The following POMZP3 variants were observed in gnomAD, a reference collection of about 807,000 sequenced individuals.
The protein encoded by POMZP3 is POM121 and ZP3 fusion, also known as POM121 and ZP3 fusion protein.
Under a neutral mutation model 19.8 loss-of-function variants are expected in POMZP3, and 10 were observed. That is an observed-to-expected ratio of 0.51 (90% CI 0.31 to 0.86). The LOEUF is 0.86. POMZP3 is among the 40% of genes least tolerant of loss of function. The pLI is 0.04. For synonymous variants in POMZP3, 57 were observed against 85.8 expected (o/e 0.66, Z 1.85); for missense variants, 152 against 228.1 (o/e 0.67, Z 2.15).
chr7:76,623,273 A>G (rs1053089097), intron 3 of POMZP3, among the ~76,000 whole-genome samples: 2 of 151,796 alleles, frequency 1.3e-5, no homozygotes, highest in African/African-American at 4.8e-5. Flanking sequence ...TGACTCTTTA[A>G]TGTCAGAAAT....
At chr7:76,612,084 G>C (rs1299571522) in intron 4 of POMZP3, among the ~76,000 whole-genome samples, 2 of 140,014 alleles carry the variant, frequency 1.4e-5, no homozygotes, top group African/African-American at 5.5e-5. Flanking sequence ...TGTAGTCCCA[G>C]CTACCTGGAA....
At chr7:76,625,477 G>A in intron 3 of POMZP3, 45 bp downstream of exon 3, 1 of 1,596,174 alleles carries the variant, frequency 6.3e-7, no homozygotes, top group East Asian at 2.2e-5. Context: ...CATCCCATAG[G>A]AGTCCAAGCG....
intron 3 of POMZP3, among the ~76,000 whole-genome samples, chr7:76,620,371 TG>T (rs1376804319): frequency 3.8e-5 from 4 of 105,462 alleles, no homozygotes; most frequent in Non-Finnish European, 5.9e-5. Flanking sequence ...GGGTGGGGTA[TG>T]GGGTAGAGGG....
intron 3 of POMZP3, among the ~76,000 whole-genome samples, chr7:76,624,291 G>A (rs1328735723): frequency 6.6e-6 from 1 of 151,066 alleles, no homozygotes; most frequent in Non-Finnish European, 1.5e-5. Flanking sequence ...GCTCATGCCT[G>A]TAATCCCAGC....
chr7:76,626,863 G>T lies in POMZP3; in HGVS notation c.-307C>A. 1 of 1,399,324 alleles carries T rather than the reference G, an allele frequency of 7.1e-7. No individual in the cohort carries two copies. Among genetic ancestry groups the T allele is most frequent in the Non-Finnish European group, 9.2e-7 (1 of 1,086,152 alleles). The allele number at this position is 1,399,324 out of a possible 1,614,324, so 86.7% of individuals were successfully genotyped here. On this transcript the variant is annotated 5_prime_UTR_variant, in exon 1 of 7. Transcript: ENST00000310842. ...ATTCCGCAGGTCCTGGCCCTCCGGA[G>T]CGGGGGCGGGCTGCGGCGGCCCGGG...
chr7:76,626,405 C>T (rs2116890504), intron 1 of POMZP3, 190 bp from the exon 2 acceptor site: 2 of 617,528 alleles, frequency 3.2e-6, no homozygotes, highest in South Asian at 4.0e-5. Context: ...AGCTGCTTAA[C>T]AGCTGTCTCA....
At chr7:76,610,256 C>G (rs1335270248) in intron 6 of POMZP3, 41 bp from the exon 7 acceptor site, 2 of 1,613,860 alleles carry the variant, frequency 1.2e-6, no homozygotes, top group Non-Finnish European at 1.7e-6. Flanking sequence ...ATCTTAGTCC[C>G]TAACCGGGAA....
intron 6 of POMZP3, among the ~76,000 whole-genome samples, 188 bp downstream of exon 6, chr7:76,611,266 C>G (rs866452075): frequency 7.2e-5 from 11 of 152,014 alleles, no homozygotes; most frequent in Non-Finnish European, 8.8e-5. Flanking sequence ...TGGCTGCCAC[C>G]GAGGTGGAAG....
rs1815126417 is a variant in POMZP3, at chr7:76,611,901, T to A, written c.346-88A>T. ...CAGTTCTCTTATAACCCTCAACCCTTTAAAGAGTGAGAAGGGGCCGGGTGC... is the reference window on the plus strand; with the variant it reads ...CAGTTCTCTTATAACCCTCAACCCTATAAAGAGTGAGAAGGGGCCGGGTGC... On this transcript the variant is annotated intron_variant, in intron 4 of 6. Coordinates refer to ENST00000310842, the MANE Select transcript of POMZP3 (RefSeq NM_012230.5). 9.1e-6 allele frequency: 14 copies of A among 1,536,648 alleles called. No individual in the cohort carries two copies. The African/African-American group carries it at 1.6e-4, about 17-fold the overall frequency.
At chr7:76,619,378 ACT>A (rs1815421402) in intron 3 of POMZP3, among the ~76,000 whole-genome samples, 2 of 139,292 alleles carry the variant, frequency 1.4e-5, no homozygotes. Context: ...ACAGAGTGAG[ACT>A]CTGTCTTTAA....
At chr7:76,611,846 T>C (rs1815123394) in intron 4 of POMZP3, 33 bp from the exon 5 acceptor site, 3 of 1,509,630 alleles carry the variant, frequency 2.0e-6, no homozygotes, top group African/African-American at 1.4e-5. Context: ...CCAGGCCGAG[T>C]TCCAGGCTGT....
At chr7:76,625,444 T>C in intron 3 of POMZP3, 78 bp downstream of exon 3, 2 of 1,599,126 alleles carry the variant, frequency 1.3e-6, no homozygotes, top group East Asian at 2.2e-5. Flanking sequence ...GGCCTCTGTA[T>C]CTTTACGGGA....
intron 1 of POMZP3, 96 bp from the exon 2 acceptor site, chr7:76,626,311 GAACTT>G: frequency 8.1e-7 from 1 of 1,238,638 alleles, no homozygotes; most frequent in Admixed American, 2.3e-5. Flanking sequence ...ATTTTCCAAA[GAACTT>G]AAGTCTCTTT....
chr7:76,616,042 T>G (rs1399709576), intron 4 of POMZP3, among the ~76,000 whole-genome samples: 1 of 88,734 alleles, frequency 1.1e-5, no homozygotes, highest in African/African-American at 4.9e-5. Flanking sequence ...CCCAGCACTT[T>G]GGGAAGCTGA....
At position 76,620,285 on chromosome 7, in the gene POMZP3, A is replaced by G. The variant is rs879185584; in HGVS notation, c.228-1985T>C. Among the ~76,000 whole-genome samples, 20 of 80,978 alleles carry G rather than the reference A, an allele frequency of 2.5e-4. 1 individual carries two copies. Among genetic ancestry groups the G allele is most frequent in the East Asian group, 9.0e-4 (3 of 3,336 alleles). 53.1% of individuals were successfully genotyped at this position (80,978 alleles called of 152,430 possible). A position where few individuals can be genotyped will look rare whatever the true frequency, so the allele number is the denominator to read the frequency against. The stretch of plus-strand genomic sequence containing the variant: ...AGAGCTTGTAGTGAGCCGAGATTGC[A>G]CCACTGCACTCCAGCCTGGGCAACA... On this transcript the variant is annotated intron_variant, in intron 3 of 6. Coordinates refer to ENST00000310842, the MANE Select transcript of POMZP3 (RefSeq NM_012230.5).
At chr7:76,626,639 G>C (rs1441684277) in intron 1 of POMZP3, 69 bp downstream of exon 1, 5 of 1,322,350 alleles carry the variant, frequency 3.8e-6, no homozygotes, top group Non-Finnish European at 4.9e-6. Flanking sequence ...AAAGCAAATC[G>C]GATTTAAAAG....
chr7:76,615,019 T>C (rs1815242198), intron 4 of POMZP3, among the ~76,000 whole-genome samples: 2 of 123,134 alleles, frequency 1.6e-5, no homozygotes, highest in South Asian at 5.9e-4. Context: ...AGCCACCCTA[T>C]TGCTCTGAAA....
intron 3 of POMZP3, among the ~76,000 whole-genome samples, chr7:76,623,027 C>G (rs983849688): frequency 1.3e-5 from 2 of 151,764 alleles, no homozygotes; most frequent in African/African-American, 4.8e-5. Flanking sequence ...CACCACCATG[C>G]CTGGCTAATT....
At chr7:76,616,558 G>C (rs59213460) in intron 4 of POMZP3, among the ~76,000 whole-genome samples, 8,583 of 96,136 alleles carry the variant, frequency 0.089, 2,810 homozygotes, top group African/African-American at 0.36. Flanking sequence ...CAGTGAGCTT[G>C]TTTAAAAGCT....
Sources: gnomAD v4.1 joint callset for allele counts (sites outside exome capture counted in the v4.1 genomes callset) on GRCh38, gnomAD v4.1.1 for gene constraint, MANE v1.5 for transcripts, NCBI Gene and HGNC (gene_info 2026-07-23, HGNC 2026-07-21) for gene names.